PCSK7: variants seen among roughly 807,000 people sequenced by gnomAD.
PCSK7 encodes the protein proprotein convertase subtilisin/kexin type 7.
PCSK7 carries 38 observed loss-of-function variants against 73.3 expected under a neutral mutation model. The observed-to-expected ratio is 0.52, with a 90% confidence interval of 0.40 to 0.68. The LOEUF (loss-of-function observed/expected upper bound fraction) is 0.68, where lower values mean the gene tolerates loss of function less well. Ranked by LOEUF, PCSK7 falls within the 30% of genes least tolerant of loss-of-function variation. The pLI, the probability that PCSK7 is intolerant of heterozygous loss-of-function variation, is 0.00. For synonymous variants in PCSK7, 296 were observed against 383.8 expected, an observed-to-expected ratio of 0.77 and a Z score of 2.68; for missense variants, 692 against 991.5, an observed-to-expected ratio of 0.70 and a Z score of 4.06.
At position 117,228,333 on chromosome 11, in the gene PCSK7, C is replaced by G. The variant is rs760423352; in HGVS notation, c.486G>C (p.Pro162=). 6.2e-7 allele frequency: 1 copy of G among 1,613,988 alleles called. No homozygotes were observed. ...CACCCGTCACGTTGATGTCCCTGCC[C>G]GGGCTCCGTCGGTTATTCTGTAAGA... ...QQWHLNNRRS[P]GRDINVTGVW... Residue 162 remains proline, a synonymous_variant, in exon 4 of 17, where the codon CCG becomes CCC. Transcript: ENST00000320934.
intron 12 of PCSK7, chr11:117,214,740 T>C (rs942670641): frequency 1.4e-4 from 22 of 152,264 alleles, no homozygotes; most frequent in African/African-American, 5.1e-4. Context: ...TGGTTGGAGG[T>C]AGCAGGGACT....
At chr11:117,212,916 A>G (rs934661843) in intron 12 of PCSK7, 1 of 151,748 alleles carries the variant, frequency 6.6e-6, no homozygotes, top group Non-Finnish European at 1.5e-5. Context: ...AGGTTTTGCC[A>G]TGTTGGCGAG....
chr11:117,204,437 A>G lies in PCSK7; in HGVS notation c.*1560T>C. The stretch of plus-strand genomic sequence containing the variant: ...CCATCCCGCTTAGCCTGCCTCACCC[A>G]CACCCGTGTGGTACCTTCAGCCCTG... On this transcript the variant is annotated 3_prime_UTR_variant, in exon 17 of 17. Coordinates refer to ENST00000320934, the MANE Select transcript of PCSK7 (RefSeq NM_004716.4). 6.2e-7 allele frequency: 1 copy of G among 1,600,578 alleles called. No homozygotes were observed. The highest frequency in any genetic ancestry group is 8.5e-7 in the Non-Finnish European group (1 of 1,170,752).
Position 117,228,322 on chromosome 11 carries a change from A to C in PCSK7, c.497T>G (p.Ile166Ser), listed in dbSNP as rs758900670. 2.5e-6 allele frequency: 4 copies of C among 1,614,066 alleles called. No individual in the cohort carries two copies. The highest frequency in any genetic ancestry group is 3.4e-6 in the Non-Finnish European group (4 of 1,179,934). The change falls in exon 4 of 17, where the codon ATC becomes AGC. Residue 166 changes from isoleucine (I) to serine (S), a missense_variant. This residue lies in a region of PCSK7 where 574 missense variants were observed against 689.8 expected (regional missense o/e 0.83). Coordinates refer to ENST00000320934, the MANE Select transcript of PCSK7 (RefSeq NM_004716.4). ...LNNRRSPGRD[I>S]NVTGVWERNV... ...GCGTTCCCACACACCCGTCACGTTG[A>C]TGTCCCTGCCCGGGCTCCGTCGGTT...
chr11:117,230,506 A>T (rs2032604328), intron 1 of PCSK7, 38 bp from the exon 2 acceptor site: 1 of 152,308 alleles, frequency 6.6e-6, no homozygotes, highest in Non-Finnish European at 1.5e-5. Flanking sequence ...ATGTCCCACC[A>T]ATCCCAGGGC....
Position 117,219,000 on chromosome 11 carries a change from A to G in PCSK7, c.1431+57T>C. Reference sequence around the variant, plus strand: ...ATATCCCAGGCAGTTTGGGGCATTCAGCTCCGACCCTTGGTCACTCCACAC... The same window carrying G: ...ATATCCCAGGCAGTTTGGGGCATTCGGCTCCGACCCTTGGTCACTCCACAC... On this transcript the variant is annotated intron_variant, in intron 11 of 16. Coordinates refer to ENST00000320934, the MANE Select transcript of PCSK7 (RefSeq NM_004716.4). The surrounding 1 kb of genome is among the most constrained non-coding windows in gnomAD (Gnocchi z 4.0). 1 of 1,184,734 alleles carries G rather than the reference A, an allele frequency of 8.4e-7. No homozygotes were observed. Among genetic ancestry groups the G allele is most frequent in the Non-Finnish European group, 1.2e-6 (1 of 821,964 alleles). 73.4% of individuals were successfully genotyped at this position (1,184,734 alleles called of 1,614,324 possible). A position where few individuals can be genotyped will look rare whatever the true frequency, so the allele number is the denominator to read the frequency against.
chr11:117,206,117 G>A lies in PCSK7; in HGVS notation c.2238C>T (p.Asp746=). ...GCTCCAGCAGGTCTGGGGCAAGGAG[G>A]TCAGAGGTGGTGGGAGGGCCCCTGC... ...TESRGPPTTS[D]LLAPDLLEQG... is the part of the protein sequence containing the mutation. Residue 746 remains aspartate, a synonymous_variant, in exon 17 of 17, where the codon GAC becomes GAT. Transcript: ENST00000320934. 2 of 1,598,390 alleles carry A rather than the reference G, an allele frequency of 1.3e-6. No individual in the cohort carries two copies. Among genetic ancestry groups the A allele is most frequent in the Non-Finnish European group, 1.7e-6 (2 of 1,169,162 alleles).
chr11:117,226,141 CTTT>C (rs11419279), intron 5 of PCSK7, 120 bp from the exon 6 acceptor site: 241 of 574,620 alleles, frequency 4.2e-4, no homozygotes, highest in South Asian at 5.3e-4. Flanking sequence ...GTACATTTTG[CTTT>C]TTTTTTTTTT....
Position 117,228,216 on chromosome 11 carries a change from A to G in PCSK7, c.603T>C (p.Tyr201=), listed in dbSNP as rs538455712. ...EHTIQDIAPN[Y]SPEGSYDLNS... ...GGGGTGTCGTTCCAGGGCCACTCACATAGTTGGGTGCAATGTCCTGGATGG... is the reference window on the plus strand; with the variant it reads ...GGGGTGTCGTTCCAGGGCCACTCACGTAGTTGGGTGCAATGTCCTGGATGG... The change falls in exon 4 of 17, where the codon TAT becomes TAC. Residue 201 remains tyrosine, a splice_region_variant and synonymous_variant. Coordinates refer to ENST00000320934, the MANE Select transcript of PCSK7 (RefSeq NM_004716.4). 1.2e-5 allele frequency: 19 copies of G among 1,613,362 alleles called. No individual in the cohort carries two copies. In the South Asian group the frequency reaches 1.9e-4, roughly 16 times the overall value.
At position 117,205,332 on chromosome 11, in the gene PCSK7, T is replaced by C. The variant is rs557000987; in HGVS notation, c.*665A>G. 2.4e-4 allele frequency: 56 copies of C among 233,446 alleles called. No homozygotes were observed. In the East Asian group the frequency reaches 2.5e-3, roughly 10 times the overall value. 14.5% of individuals were successfully genotyped at this position (233,446 alleles called of 1,614,324 possible). ...CTGGAGTGGCAGTGGCTCCCAAGGC[T>C]CTCTCCTCCAACATGTGCATCTGCC... is the stretch of plus-strand genomic sequence containing the variant. On this transcript the variant is annotated 3_prime_UTR_variant, in exon 17 of 17. Coordinates refer to ENST00000320934, the MANE Select transcript of PCSK7 (RefSeq NM_004716.4).
At chr11:117,210,320 C>T (rs569623603) in intron 12 of PCSK7, 1 of 151,082 alleles carries the variant, frequency 6.6e-6, no homozygotes, top group South Asian at 2.1e-4. Context: ...GAAGACTCAA[C>T]TGGGGACTAT....
chr11:117,223,833 C>A, intron 8 of PCSK7: 1 of 522,786 alleles, frequency 1.9e-6, no homozygotes. Flanking sequence ...AGAGCAGAGG[C>A]CTAACCAGCT....
chr11:117,227,226 C>T lies in PCSK7; in HGVS notation c.700G>A (p.Gly234Arg). 6.2e-7 allele frequency: 1 copy of T among 1,613,832 alleles called. No individual in the cohort carries two copies. The highest frequency in any genetic ancestry group is 8.5e-7 in the Non-Finnish European group (1 of 1,179,824). The change falls in exon 5 of 17, where the codon GGA becomes AGA. Residue 234 changes from glycine to arginine, a missense_variant. Around this residue, in one of 6 missense-constraint regions of PCSK7, gnomAD observed 574 missense variants for 689.8 expected, o/e 0.83. Coordinates refer to ENST00000320934, the MANE Select transcript of PCSK7 (RefSeq NM_004716.4). ...NGNHHGTRCA[G>R]EIAAVPNNSF... ...TTGTTGGGCACAGCCGCGATCTCTC[C>T]TGCACATCGCGTGCCATGGTGGTTG... is the stretch of plus-strand genomic sequence containing the variant.
intron 12 of PCSK7, chr11:117,215,380 G>GTGTGTGTGTGTGTATATATATA (rs1164738557): frequency 3.6e-5 from 2 of 55,896 alleles, no homozygotes; most frequent in Non-Finnish European, 2.8e-5. Context: ...GTGTGTGTGT[G>GTGTGTGTGTGTGTATATATATA]TATATATATA....
chr11:117,228,441 C>A, intron 3 of PCSK7, 91 bp from the exon 4 acceptor site: 1 of 1,199,330 alleles, frequency 8.3e-7, no homozygotes, highest in South Asian at 1.3e-5. Flanking sequence ...TCACCCTTGG[C>A]CTCCACCAAA....
In PCSK7 at chr11:117,223,291, C is replaced by T. The variant is rs1356215518; in HGVS notation, c.1072G>A (p.Gly358Arg). 2.5e-6 allele frequency: 4 copies of T among 1,610,336 alleles called. No individual in the cohort carries two copies. Among genetic ancestry groups the T allele is most frequent in the East Asian group, 2.2e-5 (1 of 44,870 alleles). The change falls in exon 9 of 17, where the codon GGA (glycine) becomes AGA (arginine). Residue 358 changes from glycine (G) to arginine (R), a missense_variant. This residue lies in a region of PCSK7 where 574 missense variants were observed against 689.8 expected (regional missense o/e 0.83). Coordinates refer to ENST00000320934, the MANE Select transcript of PCSK7 (RefSeq NM_004716.4). The stretch of plus-strand genomic sequence containing the variant: ...TCTTCTGCATAGAAAGGCATGCGTC[C>T]CTCCTCATCCACAGCTCCTAGGGAC... ...TVTIGAVDEEGRMPFYAEECA... is the reference protein window; with the variant it reads ...TVTIGAVDEERRMPFYAEECA...
intron 12 of PCSK7, chr11:117,215,403 TATAC>T (rs1315055999): frequency 1.7e-4 from 12 of 72,286 alleles, no homozygotes; most frequent in East Asian, 6.6e-4. Context: ...TATATATATA[TATAC>T]TTTTTTTTTT....
Position 117,205,909 on chromosome 11 carries a change from T to G in PCSK7, c.*88A>C, listed in dbSNP as rs958102191. 13 of 570,036 alleles carry G rather than the reference T, an allele frequency of 2.3e-5. No individual in the cohort carries two copies. Among genetic ancestry groups the G allele is most frequent in the Non-Finnish European group, 3.8e-5 (12 of 317,012 alleles). 35.3% of individuals were successfully genotyped at this position (570,036 alleles called of 1,614,324 possible). ...AGTGGAGTCAGAGGATGCCTCAGAT[T>G]CCAGATGTAAGCATCAGAACTGCTT... On this transcript the variant is annotated 3_prime_UTR_variant, in exon 17 of 17. Coordinates refer to ENST00000320934, the MANE Select transcript of PCSK7 (RefSeq NM_004716.4).
In PCSK7 at chr11:117,218,656, G is replaced by A. The variant is rs2032081509; in HGVS notation, c.1432-88C>T. Reference sequence around the variant, plus strand: ...CAAACACACACGCCCTTGTCAATACGATCTTGAAGGTTTAGCTGTCTTTAT... The same window carrying A: ...CAAACACACACGCCCTTGTCAATACAATCTTGAAGGTTTAGCTGTCTTTAT... On this transcript the variant is annotated intron_variant, in intron 11 of 16. Coordinates refer to ENST00000320934, the MANE Select transcript of PCSK7 (RefSeq NM_004716.4). The surrounding 1 kb of genome is among the most constrained non-coding windows in gnomAD (Gnocchi z 4.0). 3 of 705,812 alleles carry A rather than the reference G, an allele frequency of 4.3e-6. No individual in the cohort carries two copies. Among genetic ancestry groups the A allele is most frequent in the Admixed American group, 2.5e-5 (1 of 40,114 alleles). 43.7% of individuals were successfully genotyped at this position (705,812 alleles called of 1,614,324 possible). A position where few individuals can be genotyped will look rare whatever the true frequency, so the allele number is the denominator to read the frequency against.
Sources: allele counts gnomAD v4.1 joint callset, GRCh38; gene constraint gnomAD v4.1.1; regional missense constraint gnomAD v4.1.1; non-coding constraint Gnocchi (gnomAD v3.1); transcripts MANE v1.5; gene names NCBI Gene and HGNC (gene_info 2026-07-23, HGNC 2026-07-21).